The following ANO7 variants were observed in gnomAD, a reference collection of about 807,000 sequenced individuals.
The protein encoded by ANO7 is anoctamin 7, also known as anoctamin-7.
Under a neutral mutation model 115.8 loss-of-function variants are expected in ANO7, and 114 were observed. The ratio of observed to expected loss-of-function variants is 0.98; its 90% CI spans 0.85 to 1.15. The LOEUF (loss-of-function observed/expected upper bound fraction) is 1.15, where lower values mean the gene tolerates loss of function less well. ANO7 is among the 50% of genes most tolerant of loss of function. The pLI is 0.00. For synonymous variants in ANO7, 550 were observed against 498.2 expected (o/e 1.10, Z -1.38); for missense variants, 1,302 against 1,201.2 (o/e 1.08, Z -1.24).
At chr2:241,239,756 C>T in the ANO7 span, 1 of 1,614,204 alleles carries the variant, frequency 6.2e-7, no homozygotes, top group East Asian at 2.2e-5. This position sits in a 1 kb window ranked among gnomAD's most constrained non-coding sequence, Gnocchi z 4.6. Context: ...GACCTGGCCT[C>T]TGCGGATGAC....
At chr2:241,229,210 C>T (rs1045691577), downstream of ANO7, 2 of 217,068 alleles carry the variant, frequency 9.2e-6, no homozygotes, top group Non-Finnish European at 1.9e-5. Flanking sequence ...AGAGGGCAAA[C>T]GTTTGGCTTT....
Position 241,225,208 on chromosome 2 carries a change from G to A in ANO7, c.*1055G>A, listed in dbSNP as rs1226969695. 2 of 152,138 alleles carry A rather than the reference G, an allele frequency of 1.3e-5. No individual in the cohort carries two copies. Among genetic ancestry groups the A allele is most frequent in the Non-Finnish European group, 1.5e-5 (1 of 68,038 alleles). 9.4% of individuals were successfully genotyped at this position (152,138 alleles called of 1,614,324 possible). On this transcript the variant is annotated 3_prime_UTR_variant, in exon 25 of 25. Coordinates refer to ENST00000674324, the MANE Select transcript of ANO7 (RefSeq NM_001370694.2). ...TATTGATGTCCTTGGAGTTCTACAA[G>A]TGGAACTTAAGTGTCAAAAAGAATA...
chr2:241,239,891 C>A, the ANO7 span: 2 of 1,613,386 alleles, frequency 1.2e-6, no homozygotes, highest in African/African-American at 2.7e-5. This position sits in a 1 kb window ranked among gnomAD's most constrained non-coding sequence, Gnocchi z 4.6. Context: ...CGCCGAGGCC[C>A]GCTCCCTACC....
intron 11 of ANO7, among the ~76,000 whole-genome samples, chr2:241,208,963 C>T (rs556664945): frequency 1.3e-5 from 2 of 152,210 alleles, no homozygotes; most frequent in East Asian, 1.9e-4. Flanking sequence ...TCCTGGCTAA[C>T]ACGGTGAAAC....
intron 15 of ANO7, 47 bp from the exon 16 acceptor site, chr2:241,212,047 T>G: frequency 1.3e-6 from 2 of 1,545,096 alleles, no homozygotes; most frequent in Non-Finnish European, 1.8e-6. Context: ...CCTAGTTGGA[T>G]GCTGGTGACT....
In ANO7 at chr2:241,195,835, G is replaced by C. The variant is rs1432196852; in HGVS notation, c.299G>C (p.Cys100Ser). 6.2e-7 allele frequency: 1 copy of C among 1,614,260 alleles called. No individual in the cohort carries two copies. The highest frequency in any genetic ancestry group is 1.6e-4 in the Middle Eastern group (1 of 6,062). ...GATAATCTTCGTGCGGCTGGGCTGT[G>C]TGTAGACCAGGTACGTGGAGGCTGT... ...FLDNLRAAGL[C>S]VDQQDVQDGN... is the part of the protein sequence containing the mutation. Residue 100 changes from cysteine (C) to serine (S), a missense_variant, in exon 4 of 25, where the codon TGT (cysteine) becomes TCT (serine). Transcript: ENST00000674324.
chr2:241,200,736 C>T (rs968133272), intron 6 of ANO7, among the ~76,000 whole-genome samples: 1 of 152,248 alleles, frequency 6.6e-6, no homozygotes, highest in Non-Finnish European at 1.5e-5. Flanking sequence ...GGACCACTGT[C>T]GGGGAACCAG....
intron 18 of ANO7, among the ~76,000 whole-genome samples, chr2:241,215,370 G>A (rs2068807490): frequency 6.6e-6 from 1 of 152,206 alleles, no homozygotes; most frequent in East Asian, 1.9e-4. Context: ...GGCTCCCATA[G>A]CCAGAGTCCT....
downstream of ANO7, chr2:241,229,832 C>A: frequency 7.0e-7 from 1 of 1,419,174 alleles, no homozygotes; most frequent in Non-Finnish European, 9.4e-7. Flanking sequence ...CCGCATCTGA[C>A]CTTCTCACTG....
rs957164375 is a variant in ANO7, at chr2:241,189,848, C to T, written c.-7-209C>T. 5.3e-5 allele frequency among the ~76,000 whole-genome samples: 8 copies of T among 152,274 alleles called. No homozygotes were observed. The South Asian group carries it at 6.2e-4, about 12-fold the overall frequency. ...CCAGGCCTGCCAGACGCTCCCGCCC[C>T]GGCACTGGTTTCTTCCTGGAGCTCG... On this transcript the variant is annotated intron_variant, in intron 1 of 24. Coordinates refer to ENST00000674324, the MANE Select transcript of ANO7 (RefSeq NM_001370694.2).
At chr2:241,204,221 G>A (rs1360679665) in intron 9 of ANO7, among the ~76,000 whole-genome samples, 13 of 152,190 alleles carry the variant, frequency 8.5e-5, no homozygotes, top group African/African-American at 2.7e-4. Flanking sequence ...GGGGGCTTCT[G>A]GGGGCAAGCA....
At chr2:241,195,064 G>C (rs923982190) in intron 3 of ANO7, among the ~76,000 whole-genome samples, 4 of 152,196 alleles carry the variant, frequency 2.6e-5, no homozygotes, top group African/African-American at 9.6e-5. Flanking sequence ...GGGCCTGGGG[G>C]ACTTTCTCAC....
intron 13 of ANO7, 149 bp from the exon 14 acceptor site, chr2:241,210,146 C>A: frequency 1.4e-6 from 1 of 739,394 alleles, no homozygotes; most frequent in Non-Finnish European, 2.3e-6. Context: ...AGCCTGGGAG[C>A]ACAGCCGGGG....
intron 19 of ANO7, among the ~76,000 whole-genome samples, chr2:241,216,729 G>A (rs540823295): frequency 6.6e-6 from 1 of 152,278 alleles, no homozygotes; most frequent in Non-Finnish European, 1.5e-5. Flanking sequence ...CACGGGTGGT[G>A]CACTCTGGAG....
At chr2:241,232,472 C>T in the ANO7 span, among the ~76,000 whole-genome samples, 2 of 152,108 alleles carry the variant, frequency 1.3e-5, no homozygotes, top group South Asian at 2.1e-4. Context: ...GACAGGCTTT[C>T]GCCATGTTGG....
At chr2:241,226,479 C>T (rs1223060282), downstream of ANO7, among the ~76,000 whole-genome samples, 2 of 151,612 alleles carry the variant, frequency 1.3e-5, no homozygotes, top group Non-Finnish European at 2.9e-5. Context: ...GGCTGGAGTG[C>T]AGTGGTACGA....
rs138663807 is a variant in ANO7 at position 241,202,549 on chromosome 2, C to T, written c.723+245C>T. On this transcript the variant is annotated intron_variant, in intron 8 of 24. Coordinates refer to ENST00000674324, the MANE Select transcript of ANO7 (RefSeq NM_001370694.2). ...TGCGGTGCCCAACACGGGAACAGGCCGGTCCCTGGGCTCTAGATGCTATGG... is the reference window on the plus strand; with the variant it reads ...TGCGGTGCCCAACACGGGAACAGGCTGGTCCCTGGGCTCTAGATGCTATGG... Among the ~76,000 whole-genome samples, 992 of 152,338 alleles carry T rather than the reference C, an allele frequency of 6.5e-3. 8 individuals carry two copies. Among genetic ancestry groups the T allele is most frequent in the African/African-American group, 0.02 (812 of 41,570 alleles).
chr2:241,214,462 A>AC (rs2068778553), intron 17 of ANO7, among the ~76,000 whole-genome samples: 1 of 152,192 alleles, frequency 6.6e-6, no homozygotes, highest in African/African-American at 2.4e-5. Flanking sequence ...GAACTGGGTC[A>AC]CCGATTGGTG....
the ANO7 span, chr2:241,238,607 C>A: frequency 7.0e-7 from 1 of 1,434,902 alleles, no homozygotes; most frequent in Non-Finnish European, 9.3e-7. This position sits in a 1 kb window ranked among gnomAD's most constrained non-coding sequence, Gnocchi z 4.9. Flanking sequence ...ACATGGGAGG[C>A]GCCACTATTA....
Sources: allele counts gnomAD v4.1 joint callset (sites outside exome capture counted in the v4.1 genomes callset), GRCh38; gene constraint gnomAD v4.1.1; non-coding constraint Gnocchi (gnomAD v3.1); transcripts MANE v1.5; gene names NCBI Gene and HGNC (gene_info 2026-07-23, HGNC 2026-07-21).